Variants in TTC29 observed in about 807,000 individuals in gnomAD.
TTC29 encodes tetratricopeptide repeat protein 29.
A neutral mutation model predicts 58.1 loss-of-function variants in TTC29; 49 were observed. That is an observed-to-expected ratio of 0.84 (90% CI 0.67 to 1.07). The LOEUF is 1.07. Ranked by LOEUF, TTC29 falls within the 50% of genes least tolerant of loss-of-function variation. The pLI, the probability that TTC29 is intolerant of heterozygous loss-of-function variation, is 0.00. For synonymous variants in TTC29, 209 were observed against 196.8 expected, an observed-to-expected ratio of 1.06 and a Z score of -0.52; for missense variants, 582 against 555.6, an observed-to-expected ratio of 1.05 and a Z score of -0.48.
chr4:146,829,398 G>C (rs907455114), intron 9 of TTC29, among the ~76,000 whole-genome samples: 2 of 152,216 alleles, frequency 1.3e-5, no homozygotes, highest in Non-Finnish European at 2.9e-5. Context: ...TTTACTCAGA[G>C]AGAAGAAATC....
At chr4:146,707,244 C>A in intron 12 of TTC29, 56 bp from the exon 13 acceptor site, 3 of 1,198,986 alleles carry the variant, frequency 2.5e-6, no homozygotes, top group East Asian at 2.7e-5. Flanking sequence ...AAGCAAAGAA[C>A]ATTTGTTTTG....
intron 11 of TTC29, among the ~76,000 whole-genome samples, chr4:146,792,226 A>G (rs1749511417): frequency 3.3e-5 from 5 of 152,226 alleles, no homozygotes; most frequent in African/African-American, 1.2e-4. Flanking sequence ...CCTGGCCTTA[A>G]AGGACAGGCT....
At position 146,844,415 on chromosome 4, in the gene TTC29, C is replaced by T. The variant is rs1729034889; in HGVS notation, c.886-10518G>A. Among the ~76,000 whole-genome samples, 2 of 152,026 alleles carry T rather than the reference C, an allele frequency of 1.3e-5. 1 individual carries two copies. Among genetic ancestry groups the T allele is most frequent in the Admixed American group, 1.3e-4 (2 of 15,204 alleles). On this transcript the variant is annotated intron_variant, in intron 8 of 12. Transcript: ENST00000325106. The stretch of plus-strand genomic sequence containing the variant: ...TTGATGAAGAGATTTTATTCTAACT[C>T]TCAATCGTTACTGTACTATAAATAA...
At chr4:146,746,114 G>C (rs1373714436) in intron 11 of TTC29, among the ~76,000 whole-genome samples, 1 of 152,124 alleles carries the variant, frequency 6.6e-6, no homozygotes, top group Non-Finnish European at 1.5e-5. Context: ...TTATAGACTA[G>C]CCTTCAGCTT....
intron 11 of TTC29, among the ~76,000 whole-genome samples, chr4:146,719,189 GGTGTGTGTGTGTGT>G (rs60552473): frequency 8.3e-5 from 12 of 144,184 alleles, no homozygotes; most frequent in Admixed American, 2.1e-4. Flanking sequence ...TGGCTATTGG[GGTGTGTGTGTGTGT>G]GTGTGTGTGT....
intron 6 of TTC29, among the ~76,000 whole-genome samples, chr4:146,882,811 C>G (rs999762890): frequency 6.6e-6 from 1 of 151,956 alleles, no homozygotes; most frequent in African/African-American, 2.4e-5. Context: ...GGATGATTAA[C>G]GTGTTATTTT....
intron 11 of TTC29, among the ~76,000 whole-genome samples, chr4:146,758,293 A>G (rs933167459): frequency 3.3e-5 from 5 of 152,168 alleles, no homozygotes; most frequent in African/African-American, 1.2e-4. Context: ...ATATATCACA[A>G]TTCTAAACAT....
At chr4:146,757,408 G>A (rs918772013) in intron 11 of TTC29, among the ~76,000 whole-genome samples, 11 of 152,246 alleles carry the variant, frequency 7.2e-5, no homozygotes, top group African/African-American at 1.2e-4. Flanking sequence ...TCTCTCAGCC[G>A]TGGATACCAG....
chr4:146,911,951 G>A (rs905704450), intron 4 of TTC29, among the ~76,000 whole-genome samples: 1 of 152,148 alleles, frequency 6.6e-6, no homozygotes, highest in Non-Finnish European at 1.5e-5. Context: ...AAAGATGGAG[G>A]AAGGAATGGA....
intron 10 of TTC29, among the ~76,000 whole-genome samples, chr4:146,805,963 A>G (rs1750584606): frequency 6.6e-6 from 1 of 152,044 alleles, no homozygotes; most frequent in Non-Finnish European, 1.5e-5. Flanking sequence ...TGAAGGAAAC[A>G]ATGTTAAGGG....
intron 11 of TTC29, among the ~76,000 whole-genome samples, chr4:146,760,750 A>ACG (rs1746823434): frequency 8.7e-6 from 1 of 115,072 alleles, no homozygotes; most frequent in South Asian, 2.7e-4. Context: ...ATACATATAT[A>ACG]TGTGTATATA....
intron 8 of TTC29, among the ~76,000 whole-genome samples, chr4:146,861,796 A>G (rs1297720480): frequency 6.6e-6 from 1 of 152,180 alleles, no homozygotes; most frequent in African/African-American, 2.4e-5. Flanking sequence ...AAAAAAAAGT[A>G]AAAATATTTA....
chr4:146,735,445 G>C (rs1744647311), intron 11 of TTC29, among the ~76,000 whole-genome samples: 1 of 152,148 alleles, frequency 6.6e-6, no homozygotes, highest in Non-Finnish European at 1.5e-5. Flanking sequence ...ATTGATGGAG[G>C]ACCCACGGCT....
At chr4:146,802,686 A>G (rs772701136) in intron 11 of TTC29, among the ~76,000 whole-genome samples, 2 of 152,376 alleles carry the variant, frequency 1.3e-5, no homozygotes, top group South Asian at 4.1e-4. Context: ...TTCACATTAC[A>G]AAAGGTTTGC....
chr4:146,827,568 T>C (rs1727891827), intron 9 of TTC29, among the ~76,000 whole-genome samples: 1 of 152,230 alleles, frequency 6.6e-6, no homozygotes, highest in Non-Finnish European at 1.5e-5. Flanking sequence ...TAGAAAGATG[T>C]ACGTTTGAAT....
intron 11 of TTC29, among the ~76,000 whole-genome samples, chr4:146,748,002 G>A (rs1418681323): frequency 1.3e-5 from 2 of 152,140 alleles, no homozygotes; most frequent in African/African-American, 4.8e-5. Flanking sequence ...GCCATTCCTG[G>A]GTCCTTGCTG....
intron 8 of TTC29, among the ~76,000 whole-genome samples, chr4:146,834,512 T>C (rs1728378108): frequency 6.6e-6 from 1 of 151,576 alleles, no homozygotes; most frequent in Admixed American, 6.7e-5. Flanking sequence ...ACATCATCTG[T>C]ATGGTATAAT....
chr4:146,739,874 C>T (rs1485362036), intron 11 of TTC29, among the ~76,000 whole-genome samples: 3 of 152,154 alleles, frequency 2.0e-5, no homozygotes, highest in Admixed American at 6.5e-5. Flanking sequence ...CATTGCTAGG[C>T]TACATCTCTC....
chr4:146,904,564 C>T (rs925899687), intron 5 of TTC29, among the ~76,000 whole-genome samples: 1 of 152,116 alleles, frequency 6.6e-6, no homozygotes, highest in Admixed American at 6.6e-5. Flanking sequence ...TGCCTCAGTC[C>T]TGTAAACTCC....
Sources: gnomAD v4.1 joint callset for allele counts (sites outside exome capture counted in the v4.1 genomes callset) on GRCh38, gnomAD v4.1.1 for gene constraint, MANE v1.5 for transcripts, NCBI Gene and HGNC (gene_info 2026-07-23, HGNC 2026-07-21) for gene names.